Variants in CEP120 observed in about 807,000 individuals in gnomAD.
CEP120 encodes the protein centrosomal protein of 120 kDa.
CEP120 carries 113 observed loss-of-function variants against 126.5 expected under a neutral mutation model. The observed-to-expected ratio is 0.89, with a 90% CI of 0.77 to 1.04. The LOEUF is 1.04. Among genes scored for constraint, CEP120 ranks in the 50% least tolerant of loss-of-function variants. The pLI is 0.00. For synonymous variants in CEP120, 400 were observed against 394.3 expected, an observed-to-expected ratio of 1.01 and a Z score of -0.17; for missense variants, 1,230 against 1,155.7, an observed-to-expected ratio of 1.06 and a Z score of -0.93.
chr5:123,387,708 G>A (rs1398054264), intron 9 of CEP120, among the ~76,000 whole-genome samples: 1 of 151,976 alleles, frequency 6.6e-6, no homozygotes, highest in East Asian at 1.9e-4. Context: ...GCTAATGCTT[G>A]TTCCCAAAAA....
chr5:123,347,205 A>G (rs1238502240), intron 19 of CEP120, among the ~76,000 whole-genome samples: 2 of 152,182 alleles, frequency 1.3e-5, no homozygotes, highest in Non-Finnish European at 2.9e-5. Flanking sequence ...AGATTTTTTA[A>G]TATCATTAAA....
intron 18 of CEP120, among the ~76,000 whole-genome samples, chr5:123,360,581 A>G (rs1179494483): frequency 3.3e-5 from 5 of 151,932 alleles, no homozygotes; most frequent in Admixed American, 2.6e-4. Flanking sequence ...TCTTTACAAA[A>G]GGTATCTGAA....
At chr5:123,370,671 A>G (rs368117256) in intron 17 of CEP120, among the ~76,000 whole-genome samples, 27 of 89,254 alleles carry the variant, frequency 3.0e-4, no homozygotes, top group Admixed American at 6.4e-4. Context: ...ATATACATAT[A>G]TGTGTGTGTG....
At chr5:123,408,902 A>G (rs1382176619) in intron 4 of CEP120, among the ~76,000 whole-genome samples, 2 of 152,178 alleles carry the variant, frequency 1.3e-5, no homozygotes, top group Non-Finnish European at 2.9e-5. Flanking sequence ...AATCAAATCC[A>G]TCAGTGTATA....
At chr5:123,419,220 C>T (rs1372768623) in intron 1 of CEP120, among the ~76,000 whole-genome samples, 1 of 152,204 alleles carries the variant, frequency 6.6e-6, no homozygotes, top group Non-Finnish European at 1.5e-5. Context: ...GAATTAAACA[C>T]TTAATGTGAT....
chr5:123,395,422 T>C (rs1772711982), intron 5 of CEP120, among the ~76,000 whole-genome samples: 1 of 152,152 alleles, frequency 6.6e-6, no homozygotes, highest in South Asian at 2.1e-4. Flanking sequence ...TGCCTTTGAC[T>C]AAGTTGAGAG....
intron 18 of CEP120, among the ~76,000 whole-genome samples, chr5:123,357,197 GC>G (rs1407048844): frequency 6.6e-6 from 1 of 152,094 alleles, no homozygotes; most frequent in East Asian, 1.9e-4. Flanking sequence ...ACCCCTGCCT[GC>G]AACAGCTTTT....
rs565094275 is a variant in CEP120 at position 123,403,119 on chromosome 5, G to T, written c.464-3835C>A. On this transcript the variant is annotated intron_variant, in intron 4 of 19. Coordinates refer to ENST00000306467, the MANE Select transcript of CEP120 (RefSeq NM_001375405.1). ...TATGTATATATACAAATGTGTGTATGTATTTATATGTGTGTGTACACATAT... is the reference window on the plus strand; with the variant it reads ...TATGTATATATACAAATGTGTGTATTTATTTATATGTGTGTGTACACATAT... 1.7e-5 allele frequency: 6 copies of T among 352,576 alleles called. 1 individual carries two copies. The Admixed American group carries it at 2.1e-4, about 12-fold the overall frequency. 21.8% of individuals were successfully genotyped at this position (352,576 alleles called of 1,614,324 possible).
chr5:123,360,424 G>C (rs2126992663), intron 18 of CEP120, among the ~76,000 whole-genome samples: 1 of 151,952 alleles, frequency 6.6e-6, no homozygotes, highest in South Asian at 2.1e-4. Flanking sequence ...TTACAGTGTT[G>C]CCTCTAAAGC....
At chr5:123,412,571 A>T (rs757285369) in intron 3 of CEP120, 31 bp from the exon 4 acceptor site, 1 of 1,519,850 alleles carries the variant, frequency 6.6e-7, no homozygotes, top group Non-Finnish European at 8.9e-7. Context: ...AAAACACCTA[A>T]TAGTTAATAA....
chr5:123,355,471 C>A (rs371944672), intron 18 of CEP120, among the ~76,000 whole-genome samples: 1 of 152,076 alleles, frequency 6.6e-6, no homozygotes, highest in Non-Finnish European at 1.5e-5. Context: ...TTTTAATGAT[C>A]GCCATTCTAA....
Position 123,364,599 on chromosome 5 carries a change from C to T in CEP120, c.2482-5G>A. The T allele has an allele frequency of 1.3e-6, 2 of 1,573,638 alleles. No individual in the cohort carries two copies. The highest frequency in any genetic ancestry group is 1.7e-6 in the Non-Finnish European group (2 of 1,149,304). On this transcript the variant is annotated splice_region_variant and splice_polypyrimidine_tract_variant and intron_variant, in intron 17 of 19. Transcript: ENST00000306467. Reference sequence around the variant, plus strand: ...CAACTTTCTTTCAAGTTCAACCTAACAGTGATTAAAATCATATCAAGTGAA... The same window carrying T: ...CAACTTTCTTTCAAGTTCAACCTAATAGTGATTAAAATCATATCAAGTGAA...
At chr5:123,357,973 T>C (rs1391960545) in intron 18 of CEP120, among the ~76,000 whole-genome samples, 3 of 152,110 alleles carry the variant, frequency 2.0e-5, no homozygotes. Flanking sequence ...TTATGTAATA[T>C]TTAGTGAAGC....
intron 5 of CEP120, among the ~76,000 whole-genome samples, chr5:123,395,301 T>C (rs1422470839): frequency 6.6e-6 from 1 of 152,162 alleles, no homozygotes; most frequent in African/African-American, 2.4e-5. Context: ...GCCTTCCTGC[T>C]CCAAACTCAA....
In CEP120 at chr5:123,346,654, A is replaced by T. The variant is rs1047438; in HGVS notation, c.2826T>A (p.Asp942Glu). The change falls in exon 20 of 20, where the codon GAT becomes GAA. Residue 942 changes from aspartate (D) to glutamate (E), a missense_variant. By Grantham distance (45) the Asp-to-Glu change is conservative. Transcript: ENST00000306467. ...CTTCTATCAGGCGAGTCAAATAATC[A>T]TCCAAACCTTCTTCCAATACACTGC... ...PHGSVLEEGL[D>E]DYLTRLIEER... is the part of the protein sequence containing the mutation. 2 of 1,613,642 alleles carry T rather than the reference A, an allele frequency of 1.2e-6. No individual in the cohort carries two copies. Among genetic ancestry groups the T allele is most frequent in the Non-Finnish European group, 1.7e-6 (2 of 1,179,874 alleles).
chr5:123,418,260 A>G (rs1468822005), intron 2 of CEP120, 99 bp downstream of exon 2: 1 of 1,131,668 alleles, frequency 8.8e-7, no homozygotes, highest in African/African-American at 1.6e-5. Context: ...ATCCGAAAAT[A>G]CTTCTGGTCC....
intron 18 of CEP120, among the ~76,000 whole-genome samples, chr5:123,351,109 T>C (rs960586743): frequency 3.3e-5 from 5 of 152,178 alleles, no homozygotes; most frequent in African/African-American, 1.2e-4. Context: ...AAGGTACATT[T>C]TGATATACTT....
intron 9 of CEP120, among the ~76,000 whole-genome samples, chr5:123,387,655 G>T (rs1303566217): frequency 6.6e-6 from 1 of 152,070 alleles, no homozygotes; most frequent in African/African-American, 2.4e-5. Context: ...TATGAAGAGT[G>T]TTAAGTGGAC....
intron 4 of CEP120, among the ~76,000 whole-genome samples, chr5:123,399,527 A>G (rs970702746): frequency 2.0e-5 from 3 of 152,250 alleles, no homozygotes; most frequent in Non-Finnish European, 4.4e-5. Context: ...GTAATAAACC[A>G]CATAGAAAAG....
Sources: allele counts gnomAD v4.1 joint callset (sites outside exome capture counted in the v4.1 genomes callset), GRCh38; gene constraint gnomAD v4.1.1; transcripts MANE v1.5; gene names NCBI Gene and HGNC (gene_info 2026-07-23, HGNC 2026-07-21).